The following ARHGAP44 variants were observed in gnomAD, a reference collection of about 807,000 sequenced individuals.
The protein encoded by ARHGAP44 is rho GTPase-activating protein 44.
In ARHGAP44, 43 loss-of-function variants were observed where a neutral mutation model predicts 106.8. That is an observed-to-expected ratio of 0.40 (90% CI 0.32 to 0.52). The LOEUF (loss-of-function observed/expected upper bound fraction) is 0.52, where lower values mean the gene tolerates loss of function less well. ARHGAP44 is among the 20% of genes least tolerant of loss of function. The probability of loss-of-function intolerance (pLI) is 0.48; values close to 1 mark genes in which losing one functional copy is unlikely to be tolerated. For synonymous variants in ARHGAP44, 439 were observed against 410.3 expected, an observed-to-expected ratio of 1.07 and a Z score of -0.85; for missense variants, 866 against 1,050.5, an observed-to-expected ratio of 0.82 and a Z score of 2.43.
chr17:12,905,519 C>T (rs2150934871), intron 3 of ARHGAP44, among the ~76,000 whole-genome samples: 1 of 152,320 alleles, frequency 6.6e-6, no homozygotes, highest in Middle Eastern at 3.4e-3. Flanking sequence ...TCATGTTCCT[C>T]CAGTGGCCGG....
chr17:12,880,170 C>G lies in ARHGAP44; in HGVS notation c.54-14770C>G, dbSNP rs142655700. Among the ~76,000 whole-genome samples the G allele has an allele frequency of 3.1e-3, 466 of 152,048 alleles. 10 individuals are homozygous for G. Among genetic ancestry groups the G allele is most frequent in the Admixed American group, 0.029 (446 of 15,266 alleles). On this transcript the variant is annotated intron_variant, in intron 1 of 20. Coordinates refer to ENST00000379672, the MANE Select transcript of ARHGAP44 (RefSeq NM_014859.6). ...ATGTAATATGCTTAAATACTTAGTA[C>G]TTTGTTTTTGTTAATTTTCATATTA...
chr17:12,987,284 C>T (rs114695129), intron 20 of ARHGAP44: 72 of 768,612 alleles, frequency 9.4e-5, no homozygotes, highest in African/African-American at 6.5e-4. Flanking sequence ...CAGCCTTCCC[C>T]GGCCTCAGCA....
chr17:12,990,005 A>G, intron 20 of ARHGAP44, 27 bp from the exon 21 acceptor site: 1 of 1,591,300 alleles, frequency 6.3e-7, no homozygotes, highest in East Asian at 2.3e-5. Context: ...CCTCCTTTCA[A>G]CCACCTCTCT....
At chr17:12,939,331 A>T (rs753458410) in intron 7 of ARHGAP44, among the ~76,000 whole-genome samples, 4 of 152,142 alleles carry the variant, frequency 2.6e-5, no homozygotes, top group African/African-American at 4.8e-5. Flanking sequence ...TAACAGACAG[A>T]TAAGATCCTT....
intron 1 of ARHGAP44, among the ~76,000 whole-genome samples, chr17:12,843,502 G>A (rs926368818): frequency 6.6e-6 from 1 of 151,806 alleles, no homozygotes; most frequent in Non-Finnish European, 1.5e-5. Flanking sequence ...TCATCTTTTG[G>A]TTGATCTCAA....
chr17:12,841,636 AC>A (rs202088674), intron 1 of ARHGAP44, among the ~76,000 whole-genome samples: 9,370 of 110,172 alleles, frequency 0.085, 351 homozygotes, highest in East Asian at 0.17. Flanking sequence ...ACACACACAC[AC>A]ACAAACAAAC....
intron 13 of ARHGAP44, 139 bp downstream of exon 13, chr17:12,952,720 CTCTTTTTTTTT>C: frequency 1.8e-5 from 6 of 331,166 alleles, no homozygotes; most frequent in Non-Finnish European, 3.2e-5. Context: ...CATGCATGGT[CTCTTTTTTTTT>C]TTTTTTTTTT....
intron 7 of ARHGAP44, among the ~76,000 whole-genome samples, chr17:12,932,236 C>G (rs779103773): frequency 2.6e-5 from 4 of 152,150 alleles, no homozygotes; most frequent in Non-Finnish European, 5.9e-5. Context: ...AAAACTACCT[C>G]TTCACTATTG....
intron 3 of ARHGAP44, among the ~76,000 whole-genome samples, chr17:12,908,440 A>G (rs934870111): frequency 1.3e-5 from 2 of 151,842 alleles, no homozygotes; most frequent in African/African-American, 4.8e-5. Flanking sequence ...CAGGTGATCC[A>G]CCCGCCTCGG....
At position 12,894,807 on chromosome 17, in the gene ARHGAP44, A is replaced by G. The variant is rs540724779; in HGVS notation, c.54-133A>G. The G allele has an allele frequency of 1.7e-5, 13 of 760,706 alleles. No homozygotes were observed. The South Asian group carries it at 2.0e-4, about 11-fold the overall frequency. 47.1% of individuals were successfully genotyped at this position (760,706 alleles called of 1,614,324 possible). A position where few individuals can be genotyped will look rare whatever the true frequency, so the allele number is the denominator to read the frequency against. On this transcript the variant is annotated intron_variant, in intron 1 of 20. Transcript: ENST00000379672. ...TTCCTAATAAATTCTAGTTTTCTCT[A>G]TTCTCTTATTAAATGTTTCTACTAC...
rs115653701 is a variant in ARHGAP44 at position 12,890,081 on chromosome 17, T to C, written c.54-4859T>C. Among the ~76,000 whole-genome samples, 1,128 of 152,266 alleles carry C rather than the reference T, an allele frequency of 7.4e-3. 13 individuals are homozygous for C. The highest frequency in any genetic ancestry group is 0.022 in the African/African-American group (916 of 41,538). On this transcript the variant is annotated intron_variant, in intron 1 of 20. Transcript: ENST00000379672. Reference sequence around the variant, plus strand: ...CAGGCTGGGGCTATGTGCTGGTAGCTCTACAGTTCTGGGGTTTGGGGGCAG... The same window carrying C: ...CAGGCTGGGGCTATGTGCTGGTAGCCCTACAGTTCTGGGGTTTGGGGGCAG...
At chr17:12,821,290 A>G (rs3785732) in intron 1 of ARHGAP44, among the ~76,000 whole-genome samples, 16,445 of 152,218 alleles carry the variant, frequency 0.11, 1,741 homozygotes, top group African/African-American at 0.28. Context: ...CCTGGTTATC[A>G]ATTGATAGAA....
chr17:12,926,459 CATATATAAT>C (rs1210851526), intron 6 of ARHGAP44, among the ~76,000 whole-genome samples: 3 of 111,288 alleles, frequency 2.7e-5, no homozygotes, highest in South Asian at 3.3e-4. Context: ...AATATATATA[CATATATAAT>C]ATATATAATA....
In ARHGAP44 at chr17:12,922,795, C is replaced by T. The variant is rs143923586; in HGVS notation, c.464+2964C>T. Reference sequence around the variant, plus strand: ...TGTATTTTTAGTATAGACGGGGTTTCGCCATGTTGGCCAGGCTGGTCACGA... The same window carrying T: ...TGTATTTTTAGTATAGACGGGGTTTTGCCATGTTGGCCAGGCTGGTCACGA... On this transcript the variant is annotated intron_variant, in intron 6 of 20. Transcript: ENST00000379672. Among the ~76,000 whole-genome samples, 1,396 of 152,170 alleles carry T rather than the reference C, an allele frequency of 9.2e-3. 31 individuals carry two copies. Among genetic ancestry groups the T allele is most frequent in the African/African-American group, 0.031 (1,267 of 41,540 alleles).
At chr17:12,894,689 A>G (rs1392461884) in intron 1 of ARHGAP44, among the ~76,000 whole-genome samples, 2 of 151,360 alleles carry the variant, frequency 1.3e-5, no homozygotes, top group African/African-American at 2.4e-5. Context: ...AAAGGCATAC[A>G]TTTGTTGTCA....
At chr17:12,922,486 T>C (rs1449950658) in intron 6 of ARHGAP44, among the ~76,000 whole-genome samples, 4 of 152,180 alleles carry the variant, frequency 2.6e-5, no homozygotes, top group Admixed American at 6.6e-5. Flanking sequence ...TTTCATGAGG[T>C]GGACACCATG....
intron 6 of ARHGAP44, among the ~76,000 whole-genome samples, chr17:12,928,513 C>CTG (rs376167712): frequency 0.047 from 7,083 of 151,976 alleles, 253 homozygotes; most frequent in Admixed American, 0.092. Flanking sequence ...TCATTCCATA[C>CTG]TGTGTGTGTG....
At chr17:12,918,036 C>T (rs1485065870) in intron 5 of ARHGAP44, among the ~76,000 whole-genome samples, 1 of 152,174 alleles carries the variant, frequency 6.6e-6, no homozygotes, top group African/African-American at 2.4e-5. Flanking sequence ...TTGGGATTGA[C>T]CAGCTCTCAG....
At chr17:12,818,650 T>C (rs1170971033) in intron 1 of ARHGAP44, among the ~76,000 whole-genome samples, 1 of 152,098 alleles carries the variant, frequency 6.6e-6, no homozygotes, top group African/African-American at 2.4e-5. Flanking sequence ...CAGAAACGTC[T>C]AAACGCCACT....
Sources: allele counts gnomAD v4.1 joint callset (sites outside exome capture counted in the v4.1 genomes callset), GRCh38; gene constraint gnomAD v4.1.1; transcripts MANE v1.5; gene names NCBI Gene and HGNC (gene_info 2026-07-23, HGNC 2026-07-21).